PDGFD: variants seen among roughly 807,000 people sequenced by gnomAD.
PDGFD encodes platelet-derived growth factor D.
Under a neutral mutation model 44.7 loss-of-function variants are expected in PDGFD, and 30 were observed. That is an observed-to-expected ratio of 0.67 (90% CI 0.50 to 0.91). PDGFD has a LOEUF of 0.91. PDGFD is among the 40% of genes least tolerant of loss of function. PDGFD has a pLI of 0.00. For synonymous variants in PDGFD, 173 were observed against 168.4 expected (o/e 1.03, Z -0.21); for missense variants, 445 against 457.8 (o/e 0.97, Z 0.25).
intron 1 of PDGFD, among the ~76,000 whole-genome samples, chr11:104,096,755 T>C (rs1245506201): frequency 1.1e-4 from 16 of 152,200 alleles, no homozygotes; most frequent in Admixed American, 3.3e-4. Flanking sequence ...GGCACACAAC[T>C]GTATAAAGGA....
At chr11:104,158,240 A>T (rs1266089743) in intron 1 of PDGFD, among the ~76,000 whole-genome samples, 3 of 152,266 alleles carry the variant, frequency 2.0e-5, no homozygotes, top group Non-Finnish European at 4.4e-5. Context: ...TGTGAAGAAG[A>T]AGTGTGATAA....
intron 1 of PDGFD, among the ~76,000 whole-genome samples, chr11:104,056,045 C>G (rs1475760205): frequency 6.6e-6 from 1 of 152,042 alleles, no homozygotes; most frequent in Non-Finnish European, 1.5e-5. Context: ...TATAAAATTG[C>G]TAAAAATCCT....
intron 3 of PDGFD, among the ~76,000 whole-genome samples, chr11:103,965,756 A>T (rs1237560347): frequency 6.6e-6 from 1 of 152,170 alleles, no homozygotes; most frequent in African/African-American, 2.4e-5. Context: ...AGGTCCTATC[A>T]TTCTGACTGA....
chr11:104,000,118 T>C lies in PDGFD; in HGVS notation c.262A>G (p.Asn88Asp). ...LLTWRLHSQE[N>D]TRIQLVFDNQ... ...TCAAACACTAGCTGTATCCGTGTAT[T>C]CTCCTGAGAGTGAAGCCGCCATGTC... Residue 88 changes from asparagine to aspartate, a missense_variant, in exon 2 of 7, where the codon AAT (asparagine) becomes GAT (aspartate). Transcript: ENST00000393158. 6.2e-7 allele frequency: 1 copy of C among 1,614,112 alleles called. No homozygotes were observed. The highest frequency in any genetic ancestry group is 8.5e-7 in the Non-Finnish European group (1 of 1,179,996).
rs371239684 is a variant in PDGFD at position 104,037,999 on chromosome 11, C to G, written c.125-37744G>C. On this transcript the variant is annotated intron_variant, in intron 1 of 6. Transcript: ENST00000393158. ...TACACATTCAGTCATGGATTCAGGACGAAAAGAGCATTAAAGCACGTTATA... is the reference window on the plus strand; with the variant it reads ...TACACATTCAGTCATGGATTCAGGAGGAAAAGAGCATTAAAGCACGTTATA... 1.3e-5 allele frequency: 21 copies of G among 1,612,372 alleles called. No homozygotes were observed. In the African/African-American group the frequency reaches 2.5e-4, roughly 19 times the overall value.
At chr11:104,053,206 T>A (rs1274884921) in intron 1 of PDGFD, among the ~76,000 whole-genome samples, 1 of 152,172 alleles carries the variant, frequency 6.6e-6, no homozygotes, top group Admixed American at 6.5e-5. Flanking sequence ...AGGTCCTTTT[T>A]ATATCACAAG....
chr11:104,150,031 A>T (rs1228999898), intron 1 of PDGFD, among the ~76,000 whole-genome samples: 1 of 152,178 alleles, frequency 6.6e-6, no homozygotes, highest in Non-Finnish European at 1.5e-5. Flanking sequence ...TGTGAATGGC[A>T]GCTATCATCA....
chr11:104,071,497 T>C (rs756161260), intron 1 of PDGFD, among the ~76,000 whole-genome samples: 2 of 151,576 alleles, frequency 1.3e-5, no homozygotes, highest in Non-Finnish European at 3.0e-5. Context: ...CTCAGGCTTT[T>C]AAAAATCTTT....
intron 3 of PDGFD, among the ~76,000 whole-genome samples, chr11:103,959,948 T>C (rs1253457609): frequency 1.3e-5 from 2 of 152,194 alleles, no homozygotes; most frequent in Non-Finnish European, 2.9e-5. Context: ...GCATTAAAAA[T>C]TCCTTTTTAC....
At chr11:104,007,007 G>A (rs2134371738) in intron 1 of PDGFD, among the ~76,000 whole-genome samples, 1 of 152,298 alleles carries the variant, frequency 6.6e-6, no homozygotes, top group South Asian at 2.1e-4. Flanking sequence ...GTGCCCATTT[G>A]GGCTTTGGGA....
At chr11:103,928,036 C>A (rs892394710) in intron 5 of PDGFD, among the ~76,000 whole-genome samples, 3 of 152,152 alleles carry the variant, frequency 2.0e-5, no homozygotes, top group Non-Finnish European at 2.9e-5. Flanking sequence ...CTTCTTTGGA[C>A]ATTATATAAA....
chr11:104,067,413 TTTTCTTGTTTCCTATATA>T (rs912087376), intron 1 of PDGFD, among the ~76,000 whole-genome samples: 1 of 152,178 alleles, frequency 6.6e-6, no homozygotes, highest in Non-Finnish European at 1.5e-5. Flanking sequence ...AGTGAGCAAT[TTTTCTTGTTTCCTATATA>T]TTAAGAAAGA....
chr11:103,913,824 C>A (rs1591073121), intron 6 of PDGFD, among the ~76,000 whole-genome samples: 1 of 152,138 alleles, frequency 6.6e-6, no homozygotes, highest in Non-Finnish European at 1.5e-5. Flanking sequence ...GATATCACCA[C>A]CGATCCCACA....
intron 1 of PDGFD, among the ~76,000 whole-genome samples, chr11:104,101,483 T>A (rs112759913): frequency 1.3e-5 from 2 of 151,894 alleles, no homozygotes; most frequent in African/African-American, 4.8e-5. Context: ...ATCAATATCG[T>A]GAAAATGGTC....
At chr11:104,012,454 G>A (rs1359851619) in intron 1 of PDGFD, among the ~76,000 whole-genome samples, 1 of 152,198 alleles carries the variant, frequency 6.6e-6, no homozygotes, top group Non-Finnish European at 1.5e-5. Flanking sequence ...AATACTGTGT[G>A]CTTTTAATGC....
chr11:104,163,887 T>G lies in PDGFD; in HGVS notation c.41A>C (p.Asn14Thr). 1.3e-6 allele frequency: 2 copies of G among 1,574,482 alleles called. No homozygotes were observed. Among genetic ancestry groups the G allele is most frequent in the Non-Finnish European group, 1.7e-6 (2 of 1,151,114 alleles). ...LIFVYTLICA[N>T]FCSCRDTSAT... ...AGAAGTGTCCCGACAGCTGCAAAAGTTTGCGCAGATTAGAGTGTAGACAAA... is the reference window on the plus strand; with the variant it reads ...AGAAGTGTCCCGACAGCTGCAAAAGGTTGCGCAGATTAGAGTGTAGACAAA... Residue 14 changes from asparagine (N) to threonine (T), a missense_variant, in exon 1 of 7, where the codon AAC becomes ACC. Transcript: ENST00000393158.
intron 1 of PDGFD, among the ~76,000 whole-genome samples, chr11:104,007,017 A>T (rs1343594499): frequency 6.6e-6 from 1 of 152,132 alleles, no homozygotes; most frequent in Non-Finnish European, 1.5e-5. Context: ...GGGCTTTGGG[A>T]GTTGCAGATA....
intron 3 of PDGFD, among the ~76,000 whole-genome samples, chr11:103,957,570 A>T (rs536662803): frequency 6.6e-5 from 10 of 152,312 alleles, no homozygotes; most frequent in South Asian, 6.2e-4. Flanking sequence ...CCGCATATCT[A>T]CAACTATCTG....
chr11:104,031,451 A>C (rs949047987), intron 1 of PDGFD, among the ~76,000 whole-genome samples: 1 of 152,196 alleles, frequency 6.6e-6, no homozygotes, highest in African/African-American at 2.4e-5. Context: ...GATACAATCT[A>C]ATACCAGTCA....
Sources: gnomAD v4.1 joint callset for allele counts (sites outside exome capture counted in the v4.1 genomes callset) on GRCh38, gnomAD v4.1.1 for gene constraint, MANE v1.5 for transcripts, NCBI Gene and HGNC (gene_info 2026-07-23, HGNC 2026-07-21) for gene names.